TMBIM6: variants seen among roughly 807,000 people sequenced by gnomAD.
The protein encoded by TMBIM6 is bax inhibitor 1.
A neutral mutation model predicts 31.4 loss-of-function variants in TMBIM6; 13 were observed. The ratio of observed to expected loss-of-function variants is 0.41; its 90% confidence interval spans 0.27 to 0.66. The LOEUF (loss-of-function observed/expected upper bound fraction) is 0.66. Ranked by LOEUF, TMBIM6 falls within the 30% of genes least tolerant of loss-of-function variation. The pLI is 0.28. For missense variants in TMBIM6, 275 were observed against 289.5 expected (o/e 0.95, Z 0.36); for synonymous variants, 85 against 101.7 (o/e 0.84, Z 0.99).
intron 1 of TMBIM6, among the ~76,000 whole-genome samples, chr12:49,748,863 G>A (rs747875933): frequency 6.6e-6 from 1 of 151,998 alleles, no homozygotes; most frequent in Non-Finnish European, 1.5e-5. Context: ...TTTCTTTATT[G>A]TGGTAAACTA....
Position 49,758,860 on chromosome 12 carries a change from C to T in TMBIM6, c.513+98C>T, listed in dbSNP as rs73309013. ...GCACTTCTTTCTGTACTACTTTGGGCAGTGCTCTCTAAGCCTTCCCATTAT... is the reference window on the plus strand; with the variant it reads ...GCACTTCTTTCTGTACTACTTTGGGTAGTGCTCTCTAAGCCTTCCCATTAT... On this transcript the variant is annotated intron_variant, in intron 7 of 9. Transcript: ENST00000267115. 4,550 of 1,044,064 alleles carry T rather than the reference C, an allele frequency of 4.4e-3. 157 individuals carry two copies. In the African/African-American group the frequency reaches 0.071, roughly 16 times the overall value. 64.7% of individuals were successfully genotyped at this position (1,044,064 alleles called of 1,614,324 possible).
chr12:49,759,362 G>A (rs755437534), intron 8 of TMBIM6, 41 bp downstream of exon 8: 1 of 1,544,118 alleles, frequency 6.5e-7, no homozygotes, highest in Non-Finnish European at 9.0e-7. Flanking sequence ...TGAAGGTTGA[G>A]GCATACCGTT....
chr12:49,753,777 A>T (rs1277252959), intron 3 of TMBIM6, among the ~76,000 whole-genome samples: 1 of 152,212 alleles, frequency 6.6e-6, no homozygotes, highest in Admixed American at 6.5e-5. Flanking sequence ...CACTCAAAGG[A>T]TAGGGCTTTG....
chr12:49,744,641 G>C (rs1285399125), intron 1 of TMBIM6: 1 of 152,130 alleles, frequency 6.6e-6, no homozygotes, highest in Non-Finnish European at 1.5e-5. Flanking sequence ...ACTTTGTAGT[G>C]CTTAAATCTT....
rs962392085 is a variant in TMBIM6, at chr12:49,759,888, G to A, written c.614+567G>A. Among the ~76,000 whole-genome samples the A allele has an allele frequency of 5.3e-5, 8 of 151,382 alleles. 1 individual carries two copies. The highest frequency in any genetic ancestry group is 4.2e-4 in the South Asian group (2 of 4,782). ...AGCACTTTGGGAGGTCGGGGCAGGC[G>A]GATCACGAGGTCAGGAGATCGAAAC... On this transcript the variant is annotated intron_variant, in intron 8 of 9. Transcript: ENST00000267115.
intron 3 of TMBIM6, among the ~76,000 whole-genome samples, chr12:49,754,147 A>G (rs1202987179): frequency 1.3e-5 from 2 of 151,962 alleles, no homozygotes; most frequent in African/African-American, 4.8e-5. Flanking sequence ...TGTGCTTTTA[A>G]TTGGTGATTT....
intron 1 of TMBIM6, 59 bp downstream of exon 1, chr12:49,741,670 G>C (rs532012749): frequency 5.3e-6 from 1 of 189,598 alleles, no homozygotes; most frequent in Non-Finnish European, 1.1e-5. Flanking sequence ...GGAGTTAGCA[G>C]TTACTGTCTG....
chr12:49,756,440 CT>C (rs1194535783), intron 4 of TMBIM6, among the ~76,000 whole-genome samples: 204 of 105,806 alleles, frequency 1.9e-3, no homozygotes, highest in South Asian at 8.1e-3. Context: ...TGCCTCCTGG[CT>C]TTTTTTTTTT....
rs57668484 is a variant in TMBIM6, at chr12:49,759,805, CAAA to C, written c.614+500_614+502del. 5.9e-3 allele frequency among the ~76,000 whole-genome samples: 538 copies of C among 91,648 alleles called. 5 individuals carry two copies. The highest frequency in any genetic ancestry group is 0.015 in the African/African-American group (480 of 31,430). The allele number at this position is 91,648 out of a possible 152,430, so 60.1% of individuals were successfully genotyped here. ...CTGGCAACAGAGCGAGACCCTGTCT[CAAA>C]AAAAAAAAAAAAAAAGTGTGGGGGC... On this transcript the variant is annotated intron_variant, in intron 8 of 9. Transcript: ENST00000267115.
rs1036073371 is a variant in TMBIM6, at chr12:49,759,895, G to C, written c.614+574G>C. ...TGGGAGGTCGGGGCAGGCGGATCACGAGGTCAGGAGATCGAAACCATCCTG... is the reference window on the plus strand; with the variant it reads ...TGGGAGGTCGGGGCAGGCGGATCACCAGGTCAGGAGATCGAAACCATCCTG... On this transcript the variant is annotated intron_variant, in intron 8 of 9. Coordinates refer to ENST00000267115, the MANE Select transcript of TMBIM6 (RefSeq NM_003217.3). Among the ~76,000 whole-genome samples the C allele has an allele frequency of 4.0e-5, 6 of 151,298 alleles. No homozygotes were observed. The East Asian group carries it at 9.9e-4, about 25-fold the overall frequency.
rs1945670935 is a variant in TMBIM6 at position 49,759,445 on chromosome 12, C to T, written c.614+124C>T. The T allele has an allele frequency of 4.0e-6, 3 of 748,144 alleles. No homozygotes were observed. The Admixed American group carries it at 6.8e-5, about 17-fold the overall frequency. 46.3% of individuals were successfully genotyped at this position (748,144 alleles called of 1,614,324 possible). On this transcript the variant is annotated intron_variant, in intron 8 of 9. Transcript: ENST00000267115. ...TTTGGGAGTGTATGTGGTAGGAAAC[C>T]CACGGTTTTGGAACTGTGTACCATA...
At chr12:49,744,804 T>G (rs1945359995) in intron 1 of TMBIM6, among the ~76,000 whole-genome samples, 1 of 152,124 alleles carries the variant, frequency 6.6e-6, no homozygotes, top group African/African-American at 2.4e-5. Flanking sequence ...TGCTCCCCAT[T>G]TGGGCTAAAT....
At chr12:49,753,586 A>G (rs867654839) in intron 3 of TMBIM6, among the ~76,000 whole-genome samples, 1 of 152,212 alleles carries the variant, frequency 6.6e-6, no homozygotes, top group Non-Finnish European at 1.5e-5. Flanking sequence ...CAGGAGTAGA[A>G]GGTACAGTTT....
intron 4 of TMBIM6, among the ~76,000 whole-genome samples, chr12:49,756,034 C>T (rs1295373520): frequency 2.0e-5 from 3 of 152,118 alleles, no homozygotes; most frequent in South Asian, 4.2e-4. Flanking sequence ...GGGGTTTCAT[C>T]GTGTTAGCCA....
At chr12:49,748,194 A>C (rs1213902082) in intron 1 of TMBIM6, among the ~76,000 whole-genome samples, 1 of 150,626 alleles carries the variant, frequency 6.6e-6, no homozygotes, top group African/African-American at 2.4e-5. Flanking sequence ...GAGCCACCGC[A>C]CCCAGCCTGT....
rs1393717318 is a variant in TMBIM6 at position 49,758,454 on chromosome 12, G to A, written c.407G>A (p.Arg136Lys). 1 of 1,614,214 alleles carries A rather than the reference G, an allele frequency of 6.2e-7. No individual in the cohort carries two copies. The highest frequency in any genetic ancestry group is 1.7e-5 in the Admixed American group (1 of 60,024). The change falls in exon 6 of 10, where the codon AGG (arginine) becomes AAG (lysine). Residue 136 changes from arginine to lysine, a missense_variant. Arg to Lys is a conservative substitution (Grantham distance 26, BLOSUM62 2). Coordinates refer to ENST00000267115, the MANE Select transcript of TMBIM6 (RefSeq NM_003217.3). ...TCFTLSALYA[R>K]RRSYLFLGGI... ...TTCACCCTCAGTGCACTCTATGCCA[G>A]GCGCCGTAGCTACCTCTTTCTGGGA...
chr12:49,742,006 C>G, intron 1 of TMBIM6: 1 of 1,352,556 alleles, frequency 7.4e-7, no homozygotes, highest in East Asian at 2.5e-5. Context: ...AGAGCACGTC[C>G]TTCCGAGGTG....
At chr12:49,741,829 G>A in intron 1 of TMBIM6, 1 of 393,206 alleles carries the variant, frequency 2.5e-6, no homozygotes, top group South Asian at 2.5e-5. Context: ...AGCGGGGGTG[G>A]GGCGGAGGCG....
intron 3 of TMBIM6, among the ~76,000 whole-genome samples, chr12:49,755,154 TCCATGTTGGTC>T (rs1353847535): frequency 6.6e-6 from 1 of 151,812 alleles, no homozygotes; most frequent in Non-Finnish European, 1.5e-5. Flanking sequence ...ACGGGGTTTC[TCCATGTTGGTC>T]AGGCTGGTCT....
Sources: allele counts gnomAD v4.1 joint callset (sites outside exome capture counted in the v4.1 genomes callset), GRCh38; gene constraint gnomAD v4.1.1; transcripts MANE v1.5; gene names NCBI Gene and HGNC (gene_info 2026-07-23, HGNC 2026-07-21).